PLCG2: variants seen among roughly 807,000 people sequenced by gnomAD.
The protein encoded by PLCG2 is 1-phosphatidylinositol 4,5-bisphosphate phosphodiesterase gamma-2.
In PLCG2, 69 loss-of-function variants were observed where a neutral mutation model predicts 175.6. That is an observed-to-expected ratio of 0.39 (90% confidence interval 0.32 to 0.48). The LOEUF (loss-of-function observed/expected upper bound fraction) is 0.48, where lower values mean the gene tolerates loss of function less well. PLCG2 is among the 20% of genes least tolerant of loss of function. The pLI is 0.91. For missense variants in PLCG2, 1,798 were observed against 1,650.9 expected, an observed-to-expected ratio of 1.09 and a Z score of -1.54; for synonymous variants, 827 against 624.0, an observed-to-expected ratio of 1.33 and a Z score of -4.85.
chr16:81,938,473 G>A, intron 28 of PLCG2: 1 of 357,910 alleles, frequency 2.8e-6, no homozygotes, highest in Non-Finnish European at 5.1e-6. Context: ...TTTCCTAGGG[G>A]TGTGGAAATC....
chr16:81,795,002 G>A (rs561392447), intron 2 of PLCG2, among the ~76,000 whole-genome samples: 1 of 152,282 alleles, frequency 6.6e-6, no homozygotes, highest in East Asian at 1.9e-4. Flanking sequence ...GTTTTCAAGA[G>A]TTGTCTTCTA....
At chr16:81,803,180 A>G (rs529325965) in intron 2 of PLCG2, among the ~76,000 whole-genome samples, 53 of 139,922 alleles carry the variant, frequency 3.8e-4, no homozygotes, top group South Asian at 6.7e-4. Flanking sequence ...GTGCAGTGGC[A>G]TGATCTCGGC....
At chr16:81,880,130 A>G (rs550524985) in intron 7 of PLCG2, among the ~76,000 whole-genome samples, 1 of 152,338 alleles carries the variant, frequency 6.6e-6, no homozygotes, top group African/African-American at 2.4e-5. Flanking sequence ...AGTCCTAGTT[A>G]CGCAGGAAGC....
At chr16:81,829,068 C>G (rs569068081) in intron 2 of PLCG2, among the ~76,000 whole-genome samples, 2 of 152,204 alleles carry the variant, frequency 1.3e-5, no homozygotes, top group East Asian at 3.9e-4. Context: ...TTTTTTGTAT[C>G]TGTGATTTTC....
chr16:81,897,480 T>A (rs1183818272), intron 13 of PLCG2, among the ~76,000 whole-genome samples: 1 of 152,152 alleles, frequency 6.6e-6, no homozygotes, highest in Non-Finnish European at 1.5e-5. Context: ...ACCCTGCACC[T>A]GGCATAGAGT....
At chr16:81,806,124 G>T (rs1912011135) in intron 2 of PLCG2, among the ~76,000 whole-genome samples, 1 of 146,876 alleles carries the variant, frequency 6.8e-6, no homozygotes. Flanking sequence ...AAAATCCAGT[G>T]TGTGTTTTAT....
chr16:81,920,547 A>T (rs1158445017), intron 20 of PLCG2, among the ~76,000 whole-genome samples: 1 of 152,198 alleles, frequency 6.6e-6, no homozygotes, highest in Non-Finnish European at 1.5e-5. Context: ...AAAGGGGAGA[A>T]ATGTGAGCCG....
intron 1 of PLCG2, chr16:81,785,718 T>C (rs1019192208): frequency 6.1e-6 from 2 of 329,058 alleles, no homozygotes; most frequent in South Asian, 4.2e-5. Flanking sequence ...ACGTAACGGT[T>C]GGGTCCTTGA....
chr16:81,893,591 A>G (rs1288430206), intron 11 of PLCG2, 118 bp from the exon 12 acceptor site: 1 of 691,142 alleles, frequency 1.4e-6, no homozygotes, highest in African/African-American at 1.8e-5. Context: ...ACATGGAAGA[A>G]CTCAGAGCTT....
chr16:81,871,939 C>G (rs938891889), intron 7 of PLCG2, among the ~76,000 whole-genome samples: 2 of 152,154 alleles, frequency 1.3e-5, no homozygotes, highest in African/African-American at 4.8e-5. Flanking sequence ...TGTGTCAGTT[C>G]TCTTTCCATT....
intron 2 of PLCG2, among the ~76,000 whole-genome samples, chr16:81,793,865 A>G (rs1328112617): frequency 6.6e-6 from 1 of 152,206 alleles, no homozygotes; most frequent in Non-Finnish European, 1.5e-5. Flanking sequence ...AGTTAAGGAA[A>G]GGGCAGAGCT....
At chr16:81,830,952 TC>T (rs1387919237) in intron 2 of PLCG2, among the ~76,000 whole-genome samples, 2 of 152,040 alleles carry the variant, frequency 1.3e-5, no homozygotes, top group African/African-American at 4.8e-5. Flanking sequence ...ACGCAGTGTG[TC>T]CCAGCTGGTG....
chr16:81,814,585 C>T (rs1904455566), intron 2 of PLCG2, among the ~76,000 whole-genome samples: 1 of 152,066 alleles, frequency 6.6e-6, no homozygotes, highest in African/African-American at 2.4e-5. Flanking sequence ...ATCCTAGCTA[C>T]TCGGGAGGCT....
intron 2 of PLCG2, among the ~76,000 whole-genome samples, chr16:81,839,983 C>T (rs530677703): frequency 2.0e-5 from 3 of 152,248 alleles, no homozygotes; most frequent in Non-Finnish European, 4.4e-5. Flanking sequence ...CTTGAGCCTA[C>T]GAGTTCAAGG....
Position 81,797,368 on chromosome 16 carries a change from T to C in PLCG2, c.193+11186T>C, listed in dbSNP as rs192995844. ...TTTGTATATCAGGCTCGCAAAATTA[T>C]GTGTCTTGATTTGTCTTGGGAGAGA... On this transcript the variant is annotated intron_variant, in intron 2 of 32. Transcript: ENST00000564138. 2.9e-3 allele frequency among the ~76,000 whole-genome samples: 436 copies of C among 152,314 alleles called. 1 individual carries two copies. Among genetic ancestry groups the C allele is most frequent in the Non-Finnish European group, 4.3e-3 (294 of 68,020 alleles).
At position 81,764,982 on chromosome 16, in the gene PLCG2, G is replaced by A. The variant is rs12597114; in HGVS notation, c.-48+9016G>A. 8.4e-3 allele frequency among the ~76,000 whole-genome samples: 1,285 copies of A among 152,196 alleles called. 10 individuals are homozygous for A. The highest frequency in any genetic ancestry group is 0.033 in the East Asian group (171 of 5,182). ...TGTGCACCTGTGGTCCCAGCTACTC[G>A]GGAGGCTGAGGTGGGAGCATTGGTT... On this transcript the variant is annotated intron_variant, in intron 2 of 5. Coordinates refer to the PLCG2 transcript ENST00000565054.
chr16:81,755,600 A>G (rs1909905599), intron 1 of PLCG2, among the ~76,000 whole-genome samples: 3 of 151,776 alleles, frequency 2.0e-5, no homozygotes. Flanking sequence ...ATCTTGGCTC[A>G]CTGTAACCTC....
intron 2 of PLCG2, among the ~76,000 whole-genome samples, chr16:81,792,456 G>C (rs1911275761): frequency 8.3e-6 from 1 of 120,754 alleles, no homozygotes; most frequent in African/African-American, 3.3e-5. Flanking sequence ...ACTCCAGCCT[G>C]GGTGACAGAG....
chr16:81,890,134 C>G (rs890622323), intron 10 of PLCG2, among the ~76,000 whole-genome samples: 1 of 152,118 alleles, frequency 6.6e-6, no homozygotes, highest in East Asian at 1.9e-4. Context: ...AAAGGCCAAT[C>G]TTAGGTTAAA....
Sources: allele counts gnomAD v4.1 joint callset (sites outside exome capture counted in the v4.1 genomes callset), GRCh38; gene constraint gnomAD v4.1.1; transcripts MANE v1.5; gene names NCBI Gene and HGNC (gene_info 2026-07-23, HGNC 2026-07-21).